NKAIN2: variants seen among roughly 807,000 people sequenced by gnomAD.
NKAIN2 encodes sodium/potassium-transporting ATPase subunit beta-1-interacting protein 2.
A neutral mutation model predicts 32.6 loss-of-function variants in NKAIN2; 14 were observed. The ratio of observed to expected loss-of-function variants is 0.43; its 90% CI spans 0.28 to 0.67. NKAIN2 has a LOEUF of 0.67. Among genes scored for constraint, NKAIN2 ranks in the 30% least tolerant of loss-of-function variants. The pLI, the probability that NKAIN2 is intolerant of heterozygous loss-of-function variation, is 0.17. For missense variants in NKAIN2, 198 were observed against 258.3 expected (o/e 0.77, Z 1.60); for synonymous variants, 80 against 87.2 (o/e 0.92, Z 0.46).
At chr6:124,204,143 T>A (rs1790736934) in intron 1 of NKAIN2, among the ~76,000 whole-genome samples, 1 of 151,876 alleles carries the variant, frequency 6.6e-6, no homozygotes, top group Non-Finnish European at 1.5e-5. Flanking sequence ...ACAATCTCAT[T>A]TCTGATTAAG....
chr6:124,016,341 G>T (rs1167796342), intron 1 of NKAIN2, among the ~76,000 whole-genome samples: 1 of 152,020 alleles, frequency 6.6e-6, no homozygotes. Context: ...AATTTAAATT[G>T]CCATTTTTTA....
intron 3 of NKAIN2, among the ~76,000 whole-genome samples, chr6:124,550,496 G>A (rs905063850): frequency 6.6e-6 from 1 of 152,026 alleles, no homozygotes; most frequent in Non-Finnish European, 1.5e-5. Context: ...TCTCCAAAGG[G>A]CCCTGGTTAC....
intron 4 of NKAIN2, among the ~76,000 whole-genome samples, chr6:124,753,578 CAA>C (rs1407753980): frequency 1.3e-5 from 2 of 152,066 alleles, no homozygotes; most frequent in East Asian, 1.9e-4. Context: ...GGATTTATAT[CAA>C]GAGTCAAAAT....
intron 2 of NKAIN2, among the ~76,000 whole-genome samples, chr6:124,315,614 G>A (rs1342625694): frequency 6.6e-6 from 1 of 152,052 alleles, no homozygotes; most frequent in Admixed American, 6.6e-5. Flanking sequence ...AATAGAATTG[G>A]CAAAGGATTA....
intron 3 of NKAIN2, among the ~76,000 whole-genome samples, chr6:124,375,314 C>G (rs998676226): frequency 5.3e-5 from 8 of 150,606 alleles, no homozygotes; most frequent in Non-Finnish European, 8.9e-5. Context: ...GTCTGTCTTT[C>G]CTGTGAAAAT....
chr6:124,362,733 C>T (rs774391680), intron 3 of NKAIN2, among the ~76,000 whole-genome samples: 7 of 151,702 alleles, frequency 4.6e-5, no homozygotes, highest in Non-Finnish European at 8.8e-5. Context: ...TTATCATCCC[C>T]AAAGAATCCA....
At chr6:124,000,563 T>C (rs1274130698) in intron 1 of NKAIN2, among the ~76,000 whole-genome samples, 2 of 152,092 alleles carry the variant, frequency 1.3e-5, no homozygotes, top group Non-Finnish European at 2.9e-5. Flanking sequence ...ATCCTTGTTA[T>C]CTCTTCTGCC....
chr6:124,170,797 T>A (rs1788804979), intron 1 of NKAIN2, among the ~76,000 whole-genome samples: 1 of 152,174 alleles, frequency 6.6e-6, no homozygotes, highest in South Asian at 2.1e-4. Context: ...ATACCTAGGG[T>A]GTTTATATTT....
At chr6:124,353,431 A>G (rs921813894) in intron 2 of NKAIN2, among the ~76,000 whole-genome samples, 8 of 152,174 alleles carry the variant, frequency 5.3e-5, no homozygotes, top group Admixed American at 1.3e-4. Flanking sequence ...AAGAGAAAGT[A>G]AAAGTATTCA....
At chr6:124,748,232 C>T (rs1777532367) in intron 4 of NKAIN2, among the ~76,000 whole-genome samples, 1 of 152,006 alleles carries the variant, frequency 6.6e-6, no homozygotes, top group Non-Finnish European at 1.5e-5. Context: ...GCATTTTCCA[C>T]TATGCAACTG....
At chr6:124,589,567 C>T (rs1469888553) in intron 3 of NKAIN2, among the ~76,000 whole-genome samples, 1 of 152,142 alleles carries the variant, frequency 6.6e-6, no homozygotes, top group African/African-American at 2.4e-5. Context: ...ATTAAATATA[C>T]TAATTGACAA....
intron 3 of NKAIN2, among the ~76,000 whole-genome samples, chr6:124,634,361 G>T (rs563817920): frequency 6.6e-6 from 1 of 152,092 alleles, no homozygotes; most frequent in Admixed American, 6.6e-5. Context: ...AATTAGGCAA[G>T]CAATTCATGA....
Position 124,644,408 on chromosome 6 carries a change from CTTTTTTTT to C in NKAIN2, c.274-13771_274-13764del, listed in dbSNP as rs34696279. On this transcript the variant is annotated intron_variant, in intron 3 of 6. Coordinates refer to ENST00000368417, the MANE Select transcript of NKAIN2 (RefSeq NM_001040214.3). ...AAGATTTTGTTTGTGCTTTTCTTTTCTTTTTTTTTTTTTTGAGACATAGTCTCGCTCTT... is the reference window on the plus strand; with the variant it reads ...AAGATTTTGTTTGTGCTTTTCTTTTCTTTTTTGAGACATAGTCTCGCTCTT... Among the ~76,000 whole-genome samples the C allele has an allele frequency of 2.9e-5, 4 of 139,870 alleles. No individual in the cohort carries two copies. In the East Asian group the frequency reaches 8.2e-4, roughly 29 times the overall value. The allele number at this position is 139,870 out of a possible 152,430, so 91.8% of individuals were successfully genotyped here. A position where few individuals can be genotyped will look rare whatever the true frequency, so the allele number is the denominator to read the frequency against.
chr6:124,566,886 A>G (rs1231335585), intron 3 of NKAIN2, among the ~76,000 whole-genome samples: 1 of 152,210 alleles, frequency 6.6e-6, no homozygotes, highest in Non-Finnish European at 1.5e-5. Context: ...TAGAGAGAGA[A>G]TGAAAGAGAG....
rs1052394677 is a variant in NKAIN2 at position 124,818,324 on chromosome 6, G to A, written c.536-63G>A. ...TAAAAGGTTTATTAGTAATCTGTGT[G>A]GGTGCTTGATCATGGATGTATATCT... On this transcript the variant is annotated intron_variant, in intron 5 of 6. Transcript: ENST00000368417. The A allele has an allele frequency of 2.7e-5, 22 of 805,276 alleles. 1 individual carries two copies. In the South Asian group the frequency reaches 3.0e-4, roughly 11 times the overall value. 49.9% of individuals were successfully genotyped at this position (805,276 alleles called of 1,614,324 possible).
intron 1 of NKAIN2, among the ~76,000 whole-genome samples, chr6:124,204,473 T>G (rs1790759563): frequency 6.6e-6 from 1 of 151,846 alleles, no homozygotes; most frequent in Non-Finnish European, 1.5e-5. Context: ...GACTTTCTAT[T>G]TGAAATCGTA....
chr6:124,279,696 C>T (rs1795206076), intron 1 of NKAIN2, among the ~76,000 whole-genome samples: 1 of 151,320 alleles, frequency 6.6e-6, no homozygotes, highest in Admixed American at 6.6e-5. Context: ...AAAATTTAAT[C>T]CAAACTAAAA....
At chr6:124,426,979 T>C (rs1775010099) in intron 3 of NKAIN2, among the ~76,000 whole-genome samples, 1 of 152,180 alleles carries the variant, frequency 6.6e-6, no homozygotes, top group Non-Finnish European at 1.5e-5. Context: ...TTAAACCTCT[T>C]TCTTGTATAA....
At chr6:124,535,899 G>A (rs763711125) in intron 3 of NKAIN2, among the ~76,000 whole-genome samples, 43 of 152,168 alleles carry the variant, frequency 2.8e-4, no homozygotes, top group African/African-American at 4.8e-5. Context: ...TCCCTCAGGC[G>A]TGAAGCAACA....
Sources: allele counts gnomAD v4.1 joint callset (sites outside exome capture counted in the v4.1 genomes callset), GRCh38; gene constraint gnomAD v4.1.1; transcripts MANE v1.5; gene names NCBI Gene and HGNC (gene_info 2026-07-23, HGNC 2026-07-21).